Variants in MEI4 observed in about 807,000 individuals in gnomAD.
MEI4 encodes the protein meiotic double-stranded break formation protein 4.
A neutral mutation model predicts 31.4 loss-of-function variants in MEI4; 27 were observed. The observed-to-expected ratio is 0.86, with a 90% CI of 0.63 to 1.19. The LOEUF is 1.19. Among genes scored for constraint, MEI4 ranks in the 50% most tolerant of loss-of-function variants. The pLI is 0.00. For synonymous variants in MEI4, 122 were observed against 145.4 expected (o/e 0.84, Z 1.16); for missense variants, 329 against 398.9 (o/e 0.82, Z 1.49).
intron 1 of MEI4, among the ~76,000 whole-genome samples, chr6:77,666,397 G>T (rs1768633107): frequency 6.6e-6 from 1 of 152,188 alleles, no homozygotes; most frequent in Admixed American, 6.5e-5. Context: ...ATACGTGCAA[G>T]TCACAGGGGA....
chr6:77,917,264 A>G (rs1165162564), intron 4 of MEI4, among the ~76,000 whole-genome samples: 3 of 151,412 alleles, frequency 2.0e-5, no homozygotes, highest in South Asian at 2.1e-4. Flanking sequence ...AGCATGATTT[A>G]TAGTCCTTTG....
chr6:77,889,717 C>G (rs1224316075), intron 4 of MEI4, among the ~76,000 whole-genome samples: 2 of 152,248 alleles, frequency 1.3e-5, no homozygotes, highest in African/African-American at 4.8e-5. Context: ...CCACTCCCAT[C>G]ACAGGCCTGG....
At chr6:77,736,226 C>A (rs1767208228) in intron 2 of MEI4, among the ~76,000 whole-genome samples, 1 of 151,836 alleles carries the variant, frequency 6.6e-6, no homozygotes, top group Non-Finnish European at 1.5e-5. Context: ...GGGCGCCCCT[C>A]CCCCAACCTT....
Position 77,709,879 on chromosome 6 carries a change from A to AT in MEI4, c.232+18982dup, listed in dbSNP as rs1361004163. Among the ~76,000 whole-genome samples, 7 of 152,182 alleles carry AT rather than the reference A, an allele frequency of 4.6e-5. No individual in the cohort carries two copies. The East Asian group carries it at 7.7e-4, about 17-fold the overall frequency. On this transcript the variant is annotated intron_variant, in intron 2 of 4. Transcript: ENST00000684080. Reference sequence around the variant, plus strand: ...AGGGAGTGTTTATTCTCATGTGTTTATTTTTTATTCTGTGAACCACAATGC... The same window carrying AT: ...AGGGAGTGTTTATTCTCATGTGTTTATTTTTTTATTCTGTGAACCACAATGC...
At position 77,694,017 on chromosome 6, in the gene MEI4, CA is replaced by C. The variant is rs139276149; in HGVS notation, c.232+3118del. On this transcript the variant is annotated intron_variant, in intron 2 of 4. Transcript: ENST00000684080. Reference sequence around the variant, plus strand: ...TATTCATTGAAGCAACTGAGCAACCCAAAATTAAATAAAGCAAAGCCAAAAT... The same window carrying C: ...TATTCATTGAAGCAACTGAGCAACCCAAATTAAATAAAGCAAAGCCAAAAT... 9.5e-3 allele frequency among the ~76,000 whole-genome samples: 1,434 copies of C among 151,724 alleles called. 17 individuals carry two copies. The highest frequency in any genetic ancestry group is 0.032 in the African/African-American group (1,333 of 41,346).
intron 1 of MEI4, among the ~76,000 whole-genome samples, chr6:77,676,236 C>A (rs947329592): frequency 3.2e-4 from 48 of 152,050 alleles, no homozygotes; most frequent in African/African-American, 2.4e-4. Context: ...TTTGTTTAAT[C>A]TCCATTTTTA....
chr6:77,735,029 T>C (rs1287293129), intron 2 of MEI4, among the ~76,000 whole-genome samples: 3 of 152,118 alleles, frequency 2.0e-5, no homozygotes, highest in Non-Finnish European at 4.4e-5. Context: ...GGCTTCCCCT[T>C]GTGGGTAACC....
At chr6:77,769,009 C>A (rs1768243361) in intron 3 of MEI4, among the ~76,000 whole-genome samples, 1 of 152,072 alleles carries the variant, frequency 6.6e-6, no homozygotes, top group Admixed American at 6.6e-5. Context: ...GAACAACAGT[C>A]CACACAGGAA....
intron 1 of MEI4, among the ~76,000 whole-genome samples, chr6:77,659,829 T>C (rs1358958885): frequency 6.6e-6 from 1 of 151,994 alleles, no homozygotes; most frequent in African/African-American, 2.4e-5. Context: ...ATCGAGAAGG[T>C]GAAAGATTAC....
In MEI4 at chr6:77,710,470, T is replaced by C. The variant is rs551961490; in HGVS notation, c.232+19567T>C. Among the ~76,000 whole-genome samples the C allele has an allele frequency of 1.6e-3, 196 of 126,122 alleles. 1 individual carries two copies. Among genetic ancestry groups the C allele is most frequent in the African/African-American group, 5.4e-3 (171 of 31,562 alleles). 82.7% of individuals were successfully genotyped at this position (126,122 alleles called of 152,430 possible). ...CTGGGAGGTGGAGATTGCAGTGAGC[T>C]GAGATTGTGCCACTGCACTCCAGCC... On this transcript the variant is annotated intron_variant, in intron 2 of 4. Coordinates refer to ENST00000684080, the MANE Select transcript of MEI4 (RefSeq NM_001322247.2).
intron 4 of MEI4, among the ~76,000 whole-genome samples, chr6:77,922,310 G>A (rs550608245): frequency 6.6e-6 from 1 of 151,740 alleles, no homozygotes; most frequent in African/African-American, 2.4e-5. Context: ...AAAAAGTTCT[G>A]TGGATTTGAG....
intron 3 of MEI4, among the ~76,000 whole-genome samples, chr6:77,813,769 G>A (rs1769627975): frequency 6.6e-6 from 1 of 151,810 alleles, no homozygotes; most frequent in Non-Finnish European, 1.5e-5. Context: ...TTTTATTTCT[G>A]CCATTTATTT....
In MEI4 at chr6:77,924,430, A is replaced by C. The variant is rs1766796108; in HGVS notation, c.*1084A>C. On this transcript the variant is annotated 3_prime_UTR_variant, in exon 5 of 5. Coordinates refer to ENST00000684080, the MANE Select transcript of MEI4 (RefSeq NM_001322247.2). ...ATAATGCCTTTTTGATAATCCTGAA[A>C]CTACATGTATGTCAGTCAGCTTTTG... is the stretch of plus-strand genomic sequence containing the variant. 6.6e-6 allele frequency: 1 copy of C among 151,880 alleles called. No homozygotes were observed. The highest frequency in any genetic ancestry group is 1.5e-5 in the Non-Finnish European group (1 of 67,894). The allele number at this position is 151,880 out of a possible 1,614,324, so 9.4% of individuals were successfully genotyped here. A position where few individuals can be genotyped will look rare whatever the true frequency, so the allele number is the denominator to read the frequency against.
chr6:77,650,412 C>T (rs1005089128), upstream of MEI4, among the ~76,000 whole-genome samples: 1 of 152,246 alleles, frequency 6.6e-6, no homozygotes, highest in Non-Finnish European at 1.5e-5. Flanking sequence ...TCACTTCCCC[C>T]ACGAGTGGAA....
intron 2 of MEI4, among the ~76,000 whole-genome samples, chr6:77,744,058 G>A (rs1270781595): frequency 6.6e-6 from 1 of 152,180 alleles, no homozygotes; most frequent in Non-Finnish European, 1.5e-5. Flanking sequence ...AAAAAGCAGA[G>A]CACCTCTCCT....
intron 4 of MEI4, among the ~76,000 whole-genome samples, chr6:77,865,877 CA>C (rs1462722514): frequency 2.6e-5 from 4 of 152,108 alleles, no homozygotes; most frequent in Non-Finnish European, 5.9e-5. Context: ...AAAGCTTATC[CA>C]ACATGATCAA....
intron 2 of MEI4, among the ~76,000 whole-genome samples, chr6:77,717,782 G>T (rs1315211975): frequency 7.8e-6 from 1 of 128,428 alleles, no homozygotes; most frequent in Non-Finnish European, 1.7e-5. Flanking sequence ...GGGGTTGGGG[G>T]TAAGGTCACA....
At chr6:77,772,231 A>C (rs1768335455) in intron 3 of MEI4, among the ~76,000 whole-genome samples, 1 of 144,560 alleles carries the variant, frequency 6.9e-6, no homozygotes, top group African/African-American at 2.6e-5. Flanking sequence ...TATTACCCTG[A>C]AAGCAAAACC....
At chr6:77,699,718 T>A (rs1312557262) in intron 2 of MEI4, among the ~76,000 whole-genome samples, 5 of 152,184 alleles carry the variant, frequency 3.3e-5, no homozygotes, top group Non-Finnish European at 5.9e-5. Flanking sequence ...TTTTATCTAC[T>A]TTTGGTCTTT....
Sources: gnomAD v4.1 joint callset for allele counts (sites outside exome capture counted in the v4.1 genomes callset) on GRCh38, gnomAD v4.1.1 for gene constraint, MANE v1.5 for transcripts, NCBI Gene and HGNC (gene_info 2026-07-23, HGNC 2026-07-21) for gene names.